Variants in TMEM178B observed in about 807,000 individuals in gnomAD.
The protein encoded by TMEM178B is transmembrane protein 178B.
A neutral mutation model predicts 31.0 loss-of-function variants in TMEM178B; 5 were observed. The ratio of observed to expected loss-of-function variants is 0.16; its 90% CI spans 0.08 to 0.34. The LOEUF (loss-of-function observed/expected upper bound fraction) is 0.34. TMEM178B is among the 10% of genes least tolerant of loss of function. The pLI is 1.00. For missense variants in TMEM178B, 275 were observed against 400.3 expected (o/e 0.69, Z 2.67); for synonymous variants, 164 against 164.0 (o/e 1.00, Z 0.00).
intron 2 of TMEM178B, among the ~76,000 whole-genome samples, chr7:141,392,192 T>A (rs1800555696): frequency 6.6e-6 from 1 of 152,192 alleles, no homozygotes; most frequent in African/African-American, 2.4e-5. Flanking sequence ...AGTCTCAAAC[T>A]ACCTAACCCT....
rs1357280639 is a variant in TMEM178B at position 141,433,348 on chromosome 7, C to A, written c.497-4260C>A. ...GACCTGCTGGTGCCAGTTCATGAGCCTTTTGGGGATTCCACAAGTTGGTTT... is the reference window on the plus strand; with the variant it reads ...GACCTGCTGGTGCCAGTTCATGAGCATTTTGGGGATTCCACAAGTTGGTTT... On this transcript the variant is annotated intron_variant, in intron 2 of 3. Transcript: ENST00000565468. Among the ~76,000 whole-genome samples, 5 of 152,130 alleles carry A rather than the reference C, an allele frequency of 3.3e-5. No homozygotes were observed. The South Asian group carries it at 6.2e-4, about 19-fold the overall frequency.
chr7:141,424,115 T>G (rs1359745226), intron 2 of TMEM178B, among the ~76,000 whole-genome samples: 1 of 152,058 alleles, frequency 6.6e-6, no homozygotes, highest in Non-Finnish European at 1.5e-5. Flanking sequence ...ACCACATGCC[T>G]GACCTCAACA....
At chr7:141,340,030 C>A (rs1345421799) in intron 2 of TMEM178B, among the ~76,000 whole-genome samples, 5 of 152,188 alleles carry the variant, frequency 3.3e-5, no homozygotes, top group Admixed American at 2.0e-4. Context: ...GATAGCCACA[C>A]CTTAATCCCT....
intron 2 of TMEM178B, among the ~76,000 whole-genome samples, chr7:141,244,280 G>C (rs1356240587): frequency 6.6e-6 from 1 of 152,192 alleles, no homozygotes; most frequent in East Asian, 1.9e-4. Context: ...ACAGGTAACT[G>C]TGCAAAGCAG....
At chr7:141,308,570 C>T (rs148635760) in intron 2 of TMEM178B, among the ~76,000 whole-genome samples, 7 of 152,218 alleles carry the variant, frequency 4.6e-5, no homozygotes, top group African/African-American at 1.2e-4. Flanking sequence ...GGTCTCAACA[C>T]ATTTTTCTGT....
intron 2 of TMEM178B, among the ~76,000 whole-genome samples, chr7:141,220,338 TAATAATAATAATAATAATAATAA>T (rs1381580118): frequency 3.6e-5 from 5 of 139,672 alleles, no homozygotes; most frequent in African/African-American, 1.5e-4. Flanking sequence ...ATAATAATAA[TAATAATAATAATAATAATAATAA>T]AATAATAAAT....
At chr7:141,114,822 T>C (rs1485807229) in intron 1 of TMEM178B, among the ~76,000 whole-genome samples, 1 of 152,192 alleles carries the variant, frequency 6.6e-6, no homozygotes, top group Non-Finnish European at 1.5e-5. Context: ...AAGAATGTAG[T>C]AAGATATTTT....
chr7:141,281,909 T>C (rs914432467), intron 2 of TMEM178B, among the ~76,000 whole-genome samples: 2 of 152,186 alleles, frequency 1.3e-5, no homozygotes, highest in Non-Finnish European at 2.9e-5. Flanking sequence ...TGGATGTTAT[T>C]CTGGAGGTGA....
At chr7:141,314,126 C>T (rs1798960388) in intron 2 of TMEM178B, among the ~76,000 whole-genome samples, 1 of 152,218 alleles carries the variant, frequency 6.6e-6, no homozygotes, top group African/African-American at 2.4e-5. Flanking sequence ...GCCATAGCTT[C>T]TTTGCTTGGA....
chr7:141,129,759 C>T (rs1422714128), intron 1 of TMEM178B, among the ~76,000 whole-genome samples: 2 of 152,094 alleles, frequency 1.3e-5, no homozygotes, highest in African/African-American at 4.8e-5. Flanking sequence ...GCTTGGTTTT[C>T]TACATTTTAG....
At chr7:141,244,066 T>G (rs1446036384) in intron 2 of TMEM178B, among the ~76,000 whole-genome samples, 1 of 152,192 alleles carries the variant, frequency 6.6e-6, no homozygotes. Flanking sequence ...GTTTACCAAA[T>G]GTTTCTCACG....
At chr7:141,353,900 T>C (rs1799776589) in intron 2 of TMEM178B, among the ~76,000 whole-genome samples, 1 of 152,230 alleles carries the variant, frequency 6.6e-6, no homozygotes, top group African/African-American at 2.4e-5. Context: ...ATCATTGAAT[T>C]TGATGCCAGA....
chr7:141,196,671 A>G (rs1796788391), intron 1 of TMEM178B, among the ~76,000 whole-genome samples: 1 of 151,754 alleles, frequency 6.6e-6, no homozygotes, highest in South Asian at 2.1e-4. Context: ...CTAAATCGTG[A>G]CTCCCCTGGG....
At chr7:141,502,490 G>A in the TMEM178B span, among the ~76,000 whole-genome samples, 1 of 152,346 alleles carries the variant, frequency 6.6e-6, no homozygotes, top group East Asian at 1.9e-4. Context: ...AAATACAGCT[G>A]GCTGGGCGTG....
intron 1 of TMEM178B, among the ~76,000 whole-genome samples, chr7:141,209,188 A>T (rs1797012336): frequency 6.6e-6 from 1 of 152,090 alleles, no homozygotes; most frequent in Non-Finnish European, 1.5e-5. Context: ...TCTACCCTTT[A>T]TATCTTCCTT....
Position 141,074,592 on chromosome 7 carries a change from G to A in TMEM178B, c.282G>A (p.Ala94=), listed in dbSNP as rs1245961926. Residue 94 remains alanine, a synonymous_variant, in exon 1 of 4, where the codon GCG becomes GCA. Coordinates refer to ENST00000565468, the MANE Select transcript of TMEM178B (RefSeq NM_001195278.2). This position sits in a 1 kb window ranked among gnomAD's most constrained non-coding sequence, Gnocchi z 5.1. ...GGCAGCTGTTCGCCATGAGCCCCGC[G>A]GACGAGTGCAGCCGGCAGTACAACT... ...NRRQLFAMSP[A]DECSRQYNST... is the part of the protein sequence containing the mutation. The A allele has an allele frequency of 6.5e-7, 1 of 1,535,766 alleles. No homozygotes were observed. Among genetic ancestry groups the A allele is most frequent in the African/African-American group, 1.4e-5 (1 of 73,066 alleles).
chr7:141,421,141 A>G (rs944034446), intron 2 of TMEM178B, among the ~76,000 whole-genome samples: 1 of 152,178 alleles, frequency 6.6e-6, no homozygotes, highest in Non-Finnish European at 1.5e-5. Context: ...CTCCTATGCA[A>G]TGGGCTTTGG....
At chr7:141,293,404 C>T (rs1263159549) in intron 2 of TMEM178B, among the ~76,000 whole-genome samples, 1 of 152,134 alleles carries the variant, frequency 6.6e-6, no homozygotes, top group African/African-American at 2.4e-5. Context: ...GCTGTTAAGA[C>T]CCCTGACTTG....
At chr7:141,453,705 C>T (rs6947740) in intron 3 of TMEM178B, among the ~76,000 whole-genome samples, 4,108 of 152,272 alleles carry the variant, frequency 0.027, 177 homozygotes, top group African/African-American at 0.093. Flanking sequence ...AGGAATGCCC[C>T]GTTCTTCTCA....
Sources: allele counts gnomAD v4.1 joint callset (sites outside exome capture counted in the v4.1 genomes callset), GRCh38; gene constraint gnomAD v4.1.1; non-coding constraint Gnocchi (gnomAD v3.1); transcripts MANE v1.5; gene names NCBI Gene and HGNC (gene_info 2026-07-23, HGNC 2026-07-21).